UBXN2B: variants seen among roughly 807,000 people sequenced by gnomAD.
The protein encoded by UBXN2B is UBX domain-containing protein 2B.
A neutral mutation model predicts 37.5 loss-of-function variants in UBXN2B; 19 were observed. The observed-to-expected ratio is 0.51, with a 90% CI of 0.35 to 0.74. The LOEUF is 0.74. UBXN2B is among the 30% of genes least tolerant of loss of function. UBXN2B has a pLI of 0.01. For missense variants in UBXN2B, 370 were observed against 393.2 expected (o/e 0.94, Z 0.50); for synonymous variants, 145 against 143.8 (o/e 1.01, Z -0.06).
intron 2 of UBXN2B, among the ~76,000 whole-genome samples, chr8:58,428,945 C>T (rs978616929): frequency 6.6e-6 from 1 of 152,104 alleles, no homozygotes; most frequent in African/African-American, 2.4e-5. Flanking sequence ...TACCTTATAC[C>T]ACCTATAAAC....
At chr8:58,427,785 G>A (rs1305356751) in intron 2 of UBXN2B, among the ~76,000 whole-genome samples, 1 of 152,192 alleles carries the variant, frequency 6.6e-6, no homozygotes, top group Non-Finnish European at 1.5e-5. Context: ...ATATTTCAGA[G>A]TCATCTGTAT....
At chr8:58,415,809 C>G (rs1301691827) in intron 1 of UBXN2B, among the ~76,000 whole-genome samples, 1 of 151,890 alleles carries the variant, frequency 6.6e-6, no homozygotes, top group Non-Finnish European at 1.5e-5. Flanking sequence ...AGCAAAGTTG[C>G]CATTGTACAA....
chr8:58,441,748 C>G (rs1286728289), intron 6 of UBXN2B, among the ~76,000 whole-genome samples: 8 of 152,014 alleles, frequency 5.3e-5, no homozygotes, highest in Admixed American at 5.2e-4. Context: ...GAGAAAATAA[C>G]AGAAAAGAAA....
intron 2 of UBXN2B, chr8:58,425,310 G>A: frequency 3.4e-6 from 4 of 1,159,426 alleles, no homozygotes; most frequent in Non-Finnish European, 5.2e-6. Context: ...TCGTTGTCAT[G>A]ACAATCACTC....
rs1808795029 is a variant in UBXN2B, at chr8:58,451,306, T to C, written c.*3755T>C. The C allele has an allele frequency of 6.6e-6, 1 of 152,212 alleles. No individual in the cohort carries two copies. Among genetic ancestry groups the C allele is most frequent in the Non-Finnish European group, 1.5e-5 (1 of 68,044 alleles). The allele number at this position is 152,212 out of a possible 1,614,324, so 9.4% of individuals were successfully genotyped here. A position where few individuals can be genotyped will look rare whatever the true frequency, so the allele number is the denominator to read the frequency against. ...TGAACAGTATTTCATGTGTGCTATG[T>C]AGTGTTTTGCTTCATTGAGAGTCAT... On this transcript the variant is annotated 3_prime_UTR_variant, in exon 8 of 8. Coordinates refer to ENST00000399598, the MANE Select transcript of UBXN2B (RefSeq NM_001077619.2).
Position 58,439,738 on chromosome 8 carries a change from G to A in UBXN2B, c.639G>A (p.Lys213=). The change falls in exon 6 of 8, where the codon AAG becomes AAA. Residue 213 remains lysine (K), a synonymous_variant. Coordinates refer to ENST00000399598, the MANE Select transcript of UBXN2B (RefSeq NM_001077619.2). ...QEYIKPRLRF[K]AFSGEGQKLG... is the part of the protein sequence containing the mutation. ...ACATAAAACCTAGATTGAGGTTCAA[G>A]GCTTTTAGTGGAGAAGGGCAAAAAC... The A allele has an allele frequency of 3.1e-6, 5 of 1,603,918 alleles. No homozygotes were observed. The highest frequency in any genetic ancestry group is 1.7e-4 in the Middle Eastern group (1 of 6,016).
At position 58,415,403 on chromosome 8, in the gene UBXN2B, T is replaced by C. The variant is rs558591268; in HGVS notation, c.85-1447T>C. 5.9e-5 allele frequency among the ~76,000 whole-genome samples: 9 copies of C among 152,168 alleles called. No homozygotes were observed. The East Asian group carries it at 1.2e-3, about 20-fold the overall frequency. ...AATTTCTGAAAACTTTAGACCCTAG[T>C]CATCAGACTGTGTATGTGCATGTCT... is the stretch of plus-strand genomic sequence containing the variant. On this transcript the variant is annotated intron_variant, in intron 1 of 7. Coordinates refer to ENST00000399598, the MANE Select transcript of UBXN2B (RefSeq NM_001077619.2).
chr8:58,440,937 G>A (rs77202721), intron 6 of UBXN2B, among the ~76,000 whole-genome samples: 431 of 151,948 alleles, frequency 2.8e-3, no homozygotes, highest in African/African-American at 9.5e-3. Flanking sequence ...TTAGGTCACA[G>A]GTTTACTTGG....
At chr8:58,446,562 T>C (rs1369457311) in intron 7 of UBXN2B, among the ~76,000 whole-genome samples, 1 of 152,016 alleles carries the variant, frequency 6.6e-6, no homozygotes, top group Non-Finnish European at 1.5e-5. Flanking sequence ...GACTTGTACA[T>C]CAACATTTGA....
intron 7 of UBXN2B, among the ~76,000 whole-genome samples, chr8:58,446,359 G>A (rs996269071): frequency 6.6e-6 from 1 of 152,152 alleles, no homozygotes. Flanking sequence ...AAAACTATAT[G>A]AAGTCGAATC....
Position 58,450,292 on chromosome 8 carries a change from C to T in UBXN2B, c.*2741C>T, listed in dbSNP as rs1012079450. On this transcript the variant is annotated 3_prime_UTR_variant, in exon 8 of 8. Coordinates refer to ENST00000399598, the MANE Select transcript of UBXN2B (RefSeq NM_001077619.2). The stretch of plus-strand genomic sequence containing the variant: ...CATTTTACTATAATCAGCAAGAAGA[C>T]AGCAGGCTGTACCTTCCACAGCTTG... The T allele has an allele frequency of 2.6e-5, 4 of 152,208 alleles. No homozygotes were observed. The highest frequency in any genetic ancestry group is 5.9e-5 in the Non-Finnish European group (4 of 68,040). 9.4% of individuals were successfully genotyped at this position (152,208 alleles called of 1,614,324 possible). A position where few individuals can be genotyped will look rare whatever the true frequency, so the allele number is the denominator to read the frequency against.
At chr8:58,424,456 G>A (rs541154603) in intron 2 of UBXN2B, 1 of 561,494 alleles carries the variant, frequency 1.8e-6, no homozygotes, top group Non-Finnish European at 3.3e-6. Flanking sequence ...TTATCAAAAG[G>A]TAGTCAACCA....
intron 2 of UBXN2B, 71 bp from the exon 3 acceptor site, chr8:58,430,448 A>G: frequency 9.1e-7 from 1 of 1,097,928 alleles, no homozygotes; most frequent in Admixed American, 3.0e-5. Context: ...TTTTCATAAG[A>G]CTATGTAGCT....
chr8:58,444,720 A>G (rs931129465), intron 6 of UBXN2B, among the ~76,000 whole-genome samples: 7 of 152,258 alleles, frequency 4.6e-5, no homozygotes, highest in African/African-American at 1.7e-4. Flanking sequence ...CAAATTAAAA[A>G]GAAATTCCTT....
chr8:58,435,324 C>T lies in UBXN2B; in HGVS notation c.533+820C>T, dbSNP rs142626793. Among the ~76,000 whole-genome samples, 774 of 152,126 alleles carry T rather than the reference C, an allele frequency of 5.1e-3. 4 individuals carry two copies. The highest frequency in any genetic ancestry group is 0.017 in the African/African-American group (711 of 41,484). ...GCTGACATGGAGTGGAGGTTAAATTCGTCTTTTAGAAGACTAATTAGCATG... is the reference window on the plus strand; with the variant it reads ...GCTGACATGGAGTGGAGGTTAAATTTGTCTTTTAGAAGACTAATTAGCATG... On this transcript the variant is annotated intron_variant, in intron 5 of 7. Transcript: ENST00000399598.
At chr8:58,441,592 A>G (rs1328790408) in intron 6 of UBXN2B, among the ~76,000 whole-genome samples, 1 of 152,090 alleles carries the variant, frequency 6.6e-6, no homozygotes, top group East Asian at 1.9e-4. Context: ...TAGTAGACCT[A>G]CAGTAAATCT....
intron 5 of UBXN2B, among the ~76,000 whole-genome samples, chr8:58,435,436 G>C (rs2129604357): frequency 6.6e-6 from 1 of 152,318 alleles, no homozygotes; most frequent in South Asian, 2.1e-4. Context: ...AAGGCATTGG[G>C]AAAGGTGGGA....
At chr8:58,434,774 G>T (rs907432175) in intron 5 of UBXN2B, 6 of 1,514,828 alleles carry the variant, frequency 4.0e-6, no homozygotes, top group South Asian at 2.5e-5. Context: ...GCTCCAAGAA[G>T]AAACATCTTA....
At position 58,416,937 on chromosome 8, in the gene UBXN2B, C is replaced by T. The variant is rs373559127; in HGVS notation, c.172C>T (p.Arg58Trp). The change falls in exon 2 of 8, where the codon CGG becomes TGG. Residue 58 changes from arginine to tryptophan, a missense_variant. Physicochemically the swap from Arg to Trp is moderately radical, Grantham distance 101. Transcript: ENST00000399598. Reference sequence around the variant, plus strand: ...TAAAGCCACAGTCTTCAAGAGCCCACGGACACCACCTCAACGGTAAGTTTT... The same window carrying T: ...TAAAGCCACAGTCTTCAAGAGCCCATGGACACCACCTCAACGGTAAGTTTT... ...RPKATVFKSP[R>W]TPPQRFYSSE... 1.2e-4 allele frequency: 200 copies of T among 1,604,494 alleles called. No homozygotes were observed. Among genetic ancestry groups the T allele is most frequent in the South Asian group, 8.9e-4 (80 of 89,888 alleles).
Sources: gnomAD v4.1 joint callset for allele counts (sites outside exome capture counted in the v4.1 genomes callset) on GRCh38, gnomAD v4.1.1 for gene constraint, MANE v1.5 for transcripts, NCBI Gene and HGNC (gene_info 2026-07-23, HGNC 2026-07-21) for gene names.